The following STAT4 variants were observed in gnomAD, a reference collection of about 807,000 sequenced individuals.
STAT4 encodes signal transducer and activator of transcription 4.
Under a neutral mutation model 110.5 loss-of-function variants are expected in STAT4, and 42 were observed. The observed-to-expected ratio is 0.38, with a 90% confidence interval of 0.30 to 0.49. STAT4 has a LOEUF of 0.49. STAT4 is among the 20% of genes least tolerant of loss of function. The probability of loss-of-function intolerance (pLI) is 0.95; values close to 1 mark genes in which losing one functional copy is unlikely to be tolerated. For missense variants in STAT4, 632 were observed against 887.9 expected, an observed-to-expected ratio of 0.71 and a Z score of 3.66; for synonymous variants, 284 against 302.2, an observed-to-expected ratio of 0.94 and a Z score of 0.63.
At chr2:191,119,642 C>A (rs1461148108) in intron 3 of STAT4, among the ~76,000 whole-genome samples, 5 of 151,944 alleles carry the variant, frequency 3.3e-5, no homozygotes, top group Non-Finnish European at 7.4e-5. Context: ...AATGAAAATC[C>A]CTGCAGGTTT....
chr2:191,123,884 T>C (rs1698804959), intron 3 of STAT4, among the ~76,000 whole-genome samples: 1 of 152,202 alleles, frequency 6.6e-6, no homozygotes, highest in Admixed American at 6.5e-5. Flanking sequence ...TGGTTCCTAC[T>C]GGGTGTGTAT....
At position 191,050,578 on chromosome 2, in the gene STAT4, A is replaced by G. The variant is rs531216998; in HGVS notation, c.1251+3912T>C. 6.6e-6 allele frequency among the ~76,000 whole-genome samples: 1 copy of G among 152,270 alleles called. No individual in the cohort carries two copies. Among genetic ancestry groups the G allele is most frequent in the Admixed American group, 6.5e-5 (1 of 15,300 alleles). On this transcript the variant is annotated intron_variant, in intron 14 of 23. Transcript: ENST00000392320. This position sits in a 1 kb window ranked among gnomAD's most constrained non-coding sequence, Gnocchi z 4.3. ...GGGACTTCAGAGATTGTCTAGTCCA[A>G]TGAGTCCAAATGTTTTTTTTTTTTG...
At position 191,146,545 on chromosome 2, in the gene STAT4, A is replaced by G. The variant is rs1699464728; in HGVS notation, c.273+68T>C. The G allele has an allele frequency of 7.8e-7, 1 of 1,288,168 alleles. No individual in the cohort carries two copies. 79.8% of individuals were successfully genotyped at this position (1,288,168 alleles called of 1,614,324 possible). A position where few individuals can be genotyped will look rare whatever the true frequency, so the allele number is the denominator to read the frequency against. On this transcript the variant is annotated intron_variant, in intron 3 of 23. Coordinates refer to ENST00000392320, the MANE Select transcript of STAT4 (RefSeq NM_003151.4). This position sits in a 1 kb window ranked among gnomAD's most constrained non-coding sequence, Gnocchi z 4.5. ...ATTTGAAAATAATATAAGGGTACAT[A>G]TTTAATTTTTAACTAAATTTAAGAC... is the stretch of plus-strand genomic sequence containing the variant.
In STAT4 at chr2:191,086,593, A is replaced by C. The variant is rs1025869195; in HGVS notation, c.274-10268T>G. On this transcript the variant is annotated intron_variant, in intron 3 of 23. Transcript: ENST00000392320. The surrounding 1 kb of genome is among the most constrained non-coding windows in gnomAD (Gnocchi z 5.5). ...AGTAAAATTGGGGGATTGGAAAGAG[A>C]AAAATTATGTTCCAAAAGAAACTGT... Among the ~76,000 whole-genome samples, 1 of 152,180 alleles carries C rather than the reference A, an allele frequency of 6.6e-6. No individual in the cohort carries two copies. The highest frequency in any genetic ancestry group is 1.5e-5 in the Non-Finnish European group (1 of 68,030).
chr2:191,036,394 C>T, intron 16 of STAT4, 95 bp from the exon 17 acceptor site: 3 of 1,294,868 alleles, frequency 2.3e-6, no homozygotes, highest in Non-Finnish European at 3.2e-6. Flanking sequence ...CCTCTCCCCA[C>T]ACACATACTA....
At position 191,053,430 on chromosome 2, in the gene STAT4, T is replaced by C. The variant is rs1476804032; in HGVS notation, c.1251+1060A>G. Among the ~76,000 whole-genome samples the C allele has an allele frequency of 6.6e-6, 1 of 152,220 alleles. No homozygotes were observed. The highest frequency in any genetic ancestry group is 1.5e-5 in the Non-Finnish European group (1 of 68,034). ...AGCATGTACTCAAACCCAGGTTTTC[T>C]AGTTCCAAATATATAGGTCATTGAC... On this transcript the variant is annotated intron_variant, in intron 14 of 23. Transcript: ENST00000392320. The surrounding 1 kb of genome is among the most constrained non-coding windows in gnomAD (Gnocchi z 4.5).
In STAT4 at chr2:191,060,530, T is replaced by C. The variant is rs1233167987; in HGVS notation, c.1034+1199A>G. ...ACCTACTGGGTTCAAGCGATTCTCC[T>C]GCCTCAGCCTCTTAAGTAGCTGGGA... On this transcript the variant is annotated intron_variant, in intron 10 of 23. Transcript: ENST00000392320. This position sits in a 1 kb window ranked among gnomAD's most constrained non-coding sequence, Gnocchi z 4.5. 6.6e-6 allele frequency among the ~76,000 whole-genome samples: 1 copy of C among 152,208 alleles called. No homozygotes were observed. Among genetic ancestry groups the C allele is most frequent in the Non-Finnish European group, 1.5e-5 (1 of 68,028 alleles).
Position 191,031,473 on chromosome 2 carries a change from A to G in STAT4, c.2088T>C (p.Ser696=), listed in dbSNP as rs550869545. 6.2e-7 allele frequency: 1 copy of G among 1,613,474 alleles called. No individual in the cohort carries two copies. Among genetic ancestry groups the G allele is most frequent in the South Asian group, 1.1e-5 (1 of 90,918 alleles). The change falls in exon 22 of 24, where the codon TCT becomes TCC. Residue 696 remains serine (S), a synonymous_variant. Transcript: ENST00000392320. This position sits in a 1 kb window ranked among gnomAD's most constrained non-coding sequence, Gnocchi z 4.8. ...ACATTGTTGAGATGGGGATAAAAAC[A>G]GAAGGAACATAACCTTTGTCACCCC... ...TERGDKGYVP[S]VFIPISTIRS... is the part of the protein sequence containing the mutation.
In STAT4 at chr2:191,117,834, T is replaced by C. The variant is rs1205932571; in HGVS notation, c.273+28779A>G. Among the ~76,000 whole-genome samples, 1 of 152,170 alleles carries C rather than the reference T, an allele frequency of 6.6e-6. No individual in the cohort carries two copies. Among genetic ancestry groups the C allele is most frequent in the African/African-American group, 2.4e-5 (1 of 41,462 alleles). On this transcript the variant is annotated intron_variant, in intron 3 of 23. Coordinates refer to ENST00000392320, the MANE Select transcript of STAT4 (RefSeq NM_003151.4). The surrounding 1 kb of genome is among the most constrained non-coding windows in gnomAD (Gnocchi z 5.2). The stretch of plus-strand genomic sequence containing the variant: ...ACATTCCCAAATTCCACCTTTGACC[T>C]ATTCAGTGAGAATTGGAAATGGGGG...
chr2:191,040,377 C>CA (rs532940452), intron 15 of STAT4, among the ~76,000 whole-genome samples: 2,798 of 151,330 alleles, frequency 0.018, 53 homozygotes, highest in Non-Finnish European at 0.023. Flanking sequence ...TATATTACTA[C>CA]AAAAAAAAGA....
rs185305292 is a variant in STAT4, at chr2:191,082,592, G to A, written c.274-6267C>T. On this transcript the variant is annotated intron_variant, in intron 3 of 23. Transcript: ENST00000392320. The surrounding 1 kb of genome is among the most constrained non-coding windows in gnomAD (Gnocchi z 4.7). ...AAGATGTTAAAATGTGGAGAACAGTGTCATAGAATCCATGAACATGCTATT... is the reference window on the plus strand; with the variant it reads ...AAGATGTTAAAATGTGGAGAACAGTATCATAGAATCCATGAACATGCTATT... Among the ~76,000 whole-genome samples the A allele has an allele frequency of 5.3e-5, 8 of 152,342 alleles. No individual in the cohort carries two copies. In the East Asian group the frequency reaches 1.5e-3, roughly 29 times the overall value.
At chr2:191,075,852 T>TTG (rs1553509131) in intron 4 of STAT4, among the ~76,000 whole-genome samples, 16 of 149,270 alleles carry the variant, frequency 1.1e-4, no homozygotes, top group African/African-American at 3.7e-4. Flanking sequence ...TTTTTTTTTT[T>TTG]TTTTGTTTTG....
chr2:191,136,261 T>C (rs576380871), intron 3 of STAT4, among the ~76,000 whole-genome samples: 2 of 152,320 alleles, frequency 1.3e-5, no homozygotes, highest in South Asian at 4.1e-4. Context: ...AGGCCATACA[T>C]GACAAACCTA....
At chr2:191,094,147 C>A (rs958764709) in intron 3 of STAT4, among the ~76,000 whole-genome samples, 2 of 152,112 alleles carry the variant, frequency 1.3e-5, no homozygotes, top group Non-Finnish European at 2.9e-5. Context: ...AGAATGGAAC[C>A]AAGTTGGAAA....
At position 191,043,459 on chromosome 2, in the gene STAT4, A is replaced by G. The variant is rs1431523568; in HGVS notation, c.1252-2311T>C. 1.3e-5 allele frequency among the ~76,000 whole-genome samples: 2 copies of G among 152,224 alleles called. No individual in the cohort carries two copies. Among genetic ancestry groups the G allele is most frequent in the East Asian group, 3.8e-4 (2 of 5,202 alleles). On this transcript the variant is annotated intron_variant, in intron 14 of 23. Transcript: ENST00000392320. This position sits in a 1 kb window ranked among gnomAD's most constrained non-coding sequence, Gnocchi z 4.8. ...CATAAACAAATTGTAATTCTTATAT[A>G]CCACTTATGCAATTGTTACAATCAC... is the stretch of plus-strand genomic sequence containing the variant.
In STAT4 at chr2:191,062,908, C is replaced by T. The variant is rs1276791338; in HGVS notation, c.795G>A (p.Leu265=). 2.5e-6 allele frequency: 4 copies of T among 1,613,340 alleles called. No homozygotes were observed. The highest frequency in any genetic ancestry group is 3.4e-6 in the Non-Finnish European group (4 of 1,179,694). Residue 265 remains leucine (L), a synonymous_variant, in exon 9 of 24, where the codon TTG becomes TTA. Transcript: ENST00000392320. The surrounding 1 kb of genome is among the most constrained non-coding windows in gnomAD (Gnocchi z 4.9). ...LDQLQNCFTL[L]AESLFQLRRQ... is the part of the protein sequence containing the mutation. Reference sequence around the variant, plus strand: ...TTCTCAGTTGGAAAAGACTTTCTGCCAATAGTGTAAAGCTATTGAACAGAA... The same window carrying T: ...TTCTCAGTTGGAAAAGACTTTCTGCTAATAGTGTAAAGCTATTGAACAGAA...
In STAT4 at chr2:191,144,216, T is replaced by C. The variant is rs113550620; in HGVS notation, c.273+2397A>G. 0.029 allele frequency among the ~76,000 whole-genome samples: 4,457 copies of C among 152,162 alleles called. 174 individuals carry two copies. The highest frequency in any genetic ancestry group is 0.091 in the African/African-American group (3,784 of 41,490). ...TGGTTTGACACACATGCAACACAGATGAAAGGGACAGAAGGAGATGCTGCT... is the reference window on the plus strand; with the variant it reads ...TGGTTTGACACACATGCAACACAGACGAAAGGGACAGAAGGAGATGCTGCT... On this transcript the variant is annotated intron_variant, in intron 3 of 23. Coordinates refer to ENST00000392320, the MANE Select transcript of STAT4 (RefSeq NM_003151.4). This position sits in a 1 kb window ranked among gnomAD's most constrained non-coding sequence, Gnocchi z 4.7.
chr2:191,054,256 A>G (rs1696612114), intron 14 of STAT4, among the ~76,000 whole-genome samples: 1 of 152,136 alleles, frequency 6.6e-6, no homozygotes, highest in African/African-American at 2.4e-5. Flanking sequence ...GATGTATACC[A>G]AGATGTTAAT....
chr2:191,118,807 A>G (rs1698639421), intron 3 of STAT4, among the ~76,000 whole-genome samples: 1 of 152,168 alleles, frequency 6.6e-6, no homozygotes, highest in South Asian at 2.1e-4. Context: ...AGACCAGGCT[A>G]GAGTGCAGTG....
Sources: gnomAD v4.1 joint callset for allele counts (sites outside exome capture counted in the v4.1 genomes callset) on GRCh38, gnomAD v4.1.1 for gene constraint, Gnocchi (gnomAD v3.1) non-coding constraint, MANE v1.5 for transcripts, NCBI Gene and HGNC (gene_info 2026-07-23, HGNC 2026-07-21) for gene names.